Variants in WNK3 observed in about 807,000 individuals in gnomAD.
The protein encoded by WNK3 is WNK lysine deficient protein kinase 3, also known as serine/threonine-protein kinase WNK3.
Under a neutral mutation model 116.7 loss-of-function variants are expected in WNK3, and 18 were observed. The observed-to-expected ratio is 0.15, with a 90% CI of 0.11 to 0.23. The LOEUF (loss-of-function observed/expected upper bound fraction) is 0.23, where lower values mean the gene tolerates loss of function less well. Ranked by LOEUF, WNK3 falls within the 10% of genes least tolerant of loss-of-function variation. WNK3 has a pLI of 1.00. For synonymous variants in WNK3, 404 were observed against 469.4 expected (o/e 0.86, Z 1.80); for missense variants, 993 against 1,323.8 (o/e 0.75, Z 3.88).
At chrX:54,248,950 T>C in exon 17 of WNK3, 1 of 1,211,724 alleles carries the variant, frequency 8.3e-7, no homozygotes, top group Non-Finnish European at 1.1e-6. Context: ...CTTCTGACTC[T>C]CGGGATAGAT....
chrX:54,283,630 G>A (rs953811948), intron 10 of WNK3, among the ~76,000 whole-genome samples: 3 of 109,126 alleles, frequency 2.7e-5, no homozygotes, highest in African/African-American at 6.6e-5. Flanking sequence ...TTAGCCGGGC[G>A]TGGTGGCAGG....
In WNK3 at chrX:54,275,413, ATATGTG is replaced by A. The variant is rs1160994906; in HGVS notation, c.2038-16081_2038-16076del. On this transcript the variant is annotated intron_variant, in intron 10 of 23. Transcript: ENST00000354646. ...GTCGGTATCTGTAGGGTATAAGTTC[ATATGTG>A]TGTGTGTGTGTGTGTGTGTGTGTGT... 4.2e-3 allele frequency among the ~76,000 whole-genome samples: 247 copies of A among 58,351 alleles called. 6 individuals are homozygous for A. The highest frequency in any genetic ancestry group is 0.014 in the African/African-American group (231 of 16,203). 50.7% of individuals were successfully genotyped at this position (58,351 alleles called of 115,157 possible).
At chrX:54,285,494 A>G (rs2068569981) in intron 10 of WNK3, among the ~76,000 whole-genome samples, 1 of 112,688 alleles carries the variant, frequency 8.9e-6, no homozygotes, top group African/African-American at 3.2e-5. Flanking sequence ...AACTTTCTGG[A>G]GTAATGGCAA....
intron 22 of WNK3, among the ~76,000 whole-genome samples, chrX:54,206,680 T>C (rs1243207649): frequency 8.9e-6 from 1 of 112,119 alleles, no homozygotes; most frequent in Non-Finnish European, 1.9e-5. Context: ...TGCAGTGATC[T>C]AAATGGACTC....
rs2068231141 is a variant in WNK3, at chrX:54,259,254, A to C, written c.2102+20T>G. The C allele has an allele frequency of 8.9e-7, 1 of 1,119,123 alleles. No individual in the cohort carries two copies. Among genetic ancestry groups the C allele is most frequent in the Non-Finnish European group, 1.2e-6 (1 of 820,467 alleles). The allele number at this position is 1,119,123 out of a possible 1,213,427, so 92.2% of individuals were successfully genotyped here. A position where few individuals can be genotyped will look rare whatever the true frequency, so the allele number is the denominator to read the frequency against. The stretch of plus-strand genomic sequence containing the variant: ...AGCATATCCTCATTGTTCTCATGGT[A>C]TTAATTTGAAGATACTTACCTTCGA... On this transcript the variant is annotated intron_variant, in intron 11 of 23. Coordinates refer to ENST00000354646, the Ensembl canonical transcript of WNK3.
intron 2 of WNK3, among the ~76,000 whole-genome samples, chrX:54,315,709 T>C (rs1557170765): frequency 8.9e-6 from 1 of 111,921 alleles, no homozygotes; most frequent in Non-Finnish European, 1.9e-5. Flanking sequence ...TTTTAGATAC[T>C]ACTTCTTTTT....
intron 2 of WNK3, among the ~76,000 whole-genome samples, chrX:54,330,487 G>T (rs782477791): frequency 9.0e-6 from 1 of 111,515 alleles, no homozygotes; most frequent in Admixed American, 9.6e-5. Context: ...AGCCCAGGAC[G>T]TTAAGGCTTC....
intron 1 of WNK3, among the ~76,000 whole-genome samples, chrX:54,344,647 A>T: frequency 8.9e-6 from 1 of 112,218 alleles, no homozygotes; most frequent in Non-Finnish European, 1.9e-5. Flanking sequence ...AAACATAAAA[A>T]TATTTGAGGC....
chrX:54,262,192 T>G (rs2068263274), intron 10 of WNK3, among the ~76,000 whole-genome samples: 1 of 111,960 alleles, frequency 8.9e-6, no homozygotes, highest in East Asian at 2.8e-4. Context: ...ATGGTTGTAA[T>G]TATACAGTTT....
At chrX:54,222,915 A>AAAT (rs1557146886) in intron 22 of WNK3, among the ~76,000 whole-genome samples, 7 of 81,020 alleles carry the variant, frequency 8.6e-5, no homozygotes, top group Middle Eastern at 6.0e-3. Flanking sequence ...TAATAATAAT[A>AAAT]ATATATATAT....
At chrX:54,331,753 G>A (rs1356590243) in intron 2 of WNK3, among the ~76,000 whole-genome samples, 2 of 111,154 alleles carry the variant, frequency 1.8e-5, no homozygotes, top group African/African-American at 6.5e-5. Flanking sequence ...TTGTACCAAC[G>A]GGCCCTAGAG....
At chrX:54,206,680 T>A (rs1243207649) in intron 22 of WNK3, among the ~76,000 whole-genome samples, 3 of 112,119 alleles carry the variant, frequency 2.7e-5, no homozygotes, top group African/African-American at 6.5e-5. Flanking sequence ...TGCAGTGATC[T>A]AAATGGACTC....
chrX:54,216,292 A>AATATATAT (rs782332737), intron 22 of WNK3, among the ~76,000 whole-genome samples: 1 of 99,132 alleles, frequency 1.0e-5, no homozygotes, highest in Non-Finnish European at 2.0e-5. Flanking sequence ...TAAATACTAA[A>AATATATAT]ATATATATAT....
At chrX:54,203,094 TA>T (rs1406285897) in intron 22 of WNK3, among the ~76,000 whole-genome samples, 4 of 112,169 alleles carry the variant, frequency 3.6e-5, no homozygotes, top group African/African-American at 1.3e-4. Context: ...GTTTACGATT[TA>T]AAAAGATGAA....
chrX:54,297,942 G>A (rs1335104289), intron 7 of WNK3, among the ~76,000 whole-genome samples: 2 of 109,992 alleles, frequency 1.8e-5, no homozygotes, highest in African/African-American at 6.6e-5. Flanking sequence ...GCGTGGTGGC[G>A]GGCTCCTGTA....
At chrX:54,243,187 G>A (rs373812838) in intron 17 of WNK3, among the ~76,000 whole-genome samples, 6 of 107,376 alleles carry the variant, frequency 5.6e-5, no homozygotes, top group African/African-American at 1.7e-4. Flanking sequence ...AGGCCGAGGC[G>A]GGCGGATCAC....
At chrX:54,315,998 A>G (rs972380634) in intron 2 of WNK3, among the ~76,000 whole-genome samples, 2 of 111,327 alleles carry the variant, frequency 1.8e-5, no homozygotes, top group East Asian at 5.7e-4. Context: ...TACCCTTTAG[A>G]CCCTCAAGAC....
intron 1 of WNK3, among the ~76,000 whole-genome samples, chrX:54,345,585 C>G (rs2069411339): frequency 9.1e-6 from 1 of 109,329 alleles, no homozygotes; most frequent in African/African-American, 3.3e-5. Flanking sequence ...AGGAGTTGAA[C>G]TACCTTCATA....
exon 23 of WNK3, chrX:54,202,158 G>C (rs900353213): frequency 1.7e-6 from 2 of 1,205,961 alleles, no homozygotes; most frequent in African/African-American, 3.5e-5. Flanking sequence ...GGAGACTGTT[G>C]GCATGATGCT....
Sources: allele counts gnomAD v4.1 joint callset (sites outside exome capture counted in the v4.1 genomes callset), GRCh38; gene constraint gnomAD v4.1.1; transcripts MANE v1.5; gene names NCBI Gene and HGNC (gene_info 2026-07-23, HGNC 2026-07-21).